The following ARHGAP26 variants were observed in gnomAD, a reference collection of about 807,000 sequenced individuals.
ARHGAP26 encodes the protein rho GTPase-activating protein 26.
ARHGAP26 carries 38 observed loss-of-function variants against 104.8 expected under a neutral mutation model. That is an observed-to-expected ratio of 0.36 (90% CI 0.28 to 0.48). The LOEUF is 0.48. Ranked by LOEUF, ARHGAP26 falls within the 20% of genes least tolerant of loss-of-function variation. The pLI, the probability that ARHGAP26 is intolerant of heterozygous loss-of-function variation, is 0.99. For missense variants in ARHGAP26, 704 were observed against 947.9 expected, an observed-to-expected ratio of 0.74 and a Z score of 3.38; for synonymous variants, 341 against 340.0, an observed-to-expected ratio of 1.00 and a Z score of -0.03.
chr5:143,059,558 C>T (rs528790458), intron 17 of ARHGAP26, among the ~76,000 whole-genome samples: 1 of 152,296 alleles, frequency 6.6e-6, no homozygotes, highest in South Asian at 2.1e-4. Flanking sequence ...CCTTTTCCCA[C>T]CCTTTCCCCC....
intron 5 of ARHGAP26, among the ~76,000 whole-genome samples, chr5:142,888,861 T>C (rs1246141711): frequency 6.6e-6 from 1 of 152,230 alleles, no homozygotes; most frequent in Non-Finnish European, 1.5e-5. Flanking sequence ...AATTACAATC[T>C]AGGAGGAAGT....
intron 12 of ARHGAP26, among the ~76,000 whole-genome samples, chr5:143,016,185 A>T (rs949300548): frequency 2.6e-5 from 4 of 152,246 alleles, no homozygotes; most frequent in African/African-American, 9.6e-5. Context: ...TTTTAAAAAA[A>T]TTAGGCTATA....
intron 1 of ARHGAP26, among the ~76,000 whole-genome samples, chr5:142,788,627 A>C (rs1489076394): frequency 6.6e-6 from 1 of 152,208 alleles, no homozygotes; most frequent in Admixed American, 6.5e-5. Flanking sequence ...TTAACAATAC[A>C]GTACAACAAC....
chr5:143,138,352 A>G (rs1214212239), intron 19 of ARHGAP26, among the ~76,000 whole-genome samples: 1 of 152,166 alleles, frequency 6.6e-6, no homozygotes, highest in South Asian at 2.1e-4. Flanking sequence ...TGAGATGAAA[A>G]CTTTGTGGAC....
At chr5:142,993,436 T>C (rs549576645) in intron 11 of ARHGAP26, among the ~76,000 whole-genome samples, 19 of 152,226 alleles carry the variant, frequency 1.2e-4, no homozygotes, top group African/African-American at 3.9e-4. Flanking sequence ...CCCAAAGTGC[T>C]GGGATTGCAG....
At chr5:143,012,552 C>CATATATACATACATATAT (rs1554195629) in intron 11 of ARHGAP26, among the ~76,000 whole-genome samples, 1 of 20,846 alleles carries the variant, frequency 4.8e-5, no homozygotes, top group African/African-American at 1.2e-4. Context: ...TACATACATA[C>CATATATACATACATATAT]ATATATATAT....
intron 20 of ARHGAP26, among the ~76,000 whole-genome samples, chr5:143,163,843 G>GT (rs1248051361): frequency 1.3e-5 from 2 of 151,802 alleles, no homozygotes; most frequent in Non-Finnish European, 2.9e-5. Context: ...CCAATTTTTT[G>GT]TTTTTTTCCC....
intron 1 of ARHGAP26, among the ~76,000 whole-genome samples, chr5:142,841,797 G>C (rs546244925): frequency 6.6e-6 from 1 of 152,356 alleles, no homozygotes; most frequent in Non-Finnish European, 1.5e-5. Flanking sequence ...AGTAGTGCCT[G>C]AGTCGTGTGG....
At chr5:142,799,423 G>A (rs372385718) in intron 1 of ARHGAP26, among the ~76,000 whole-genome samples, 2 of 152,160 alleles carry the variant, frequency 1.3e-5, no homozygotes, top group African/African-American at 4.8e-5. Flanking sequence ...TTTGTAATAT[G>A]GTGAGAAGTT....
chr5:142,875,571 T>G (rs1425695980), intron 3 of ARHGAP26, among the ~76,000 whole-genome samples: 4 of 152,094 alleles, frequency 2.6e-5, no homozygotes, highest in East Asian at 3.9e-4. Context: ...CAGGATCACT[T>G]CCCTCTTCAT....
At chr5:142,791,970 A>G (rs1356615789) in intron 1 of ARHGAP26, among the ~76,000 whole-genome samples, 1 of 151,536 alleles carries the variant, frequency 6.6e-6, no homozygotes, top group Non-Finnish European at 1.5e-5. Context: ...AAAGGTGTTA[A>G]GTTTTGACAA....
intron 8 of ARHGAP26, among the ~76,000 whole-genome samples, chr5:142,904,919 T>C (rs1760900277): frequency 6.6e-6 from 1 of 152,222 alleles, no homozygotes; most frequent in African/African-American, 2.4e-5. Context: ...CTAATTATTC[T>C]ATTTAGTAAT....
chr5:142,989,105 A>G (rs528989586), intron 11 of ARHGAP26, among the ~76,000 whole-genome samples: 1 of 152,246 alleles, frequency 6.6e-6, no homozygotes, highest in South Asian at 2.1e-4. Context: ...AAATTCTCCC[A>G]TTATTATTGT....
chr5:143,058,712 G>A (rs1786236537), intron 17 of ARHGAP26, among the ~76,000 whole-genome samples: 1 of 152,248 alleles, frequency 6.6e-6, no homozygotes, highest in Non-Finnish European at 1.5e-5. Context: ...GAGGGAGATT[G>A]TAATGGTTAG....
At chr5:143,012,519 G>A (rs13169129) in intron 11 of ARHGAP26, among the ~76,000 whole-genome samples, 11 of 64,916 alleles carry the variant, frequency 1.7e-4, no homozygotes. Flanking sequence ...AGCCATTAGA[G>A]TCACTGGAGG....
At chr5:143,024,809 C>A (rs370558606) in intron 12 of ARHGAP26, among the ~76,000 whole-genome samples, 1 of 152,152 alleles carries the variant, frequency 6.6e-6, no homozygotes, top group Admixed American at 6.5e-5. Context: ...AGCTCACAAT[C>A]GGCATGTAAG....
chr5:143,174,710 C>T (rs1803241860), intron 20 of ARHGAP26, among the ~76,000 whole-genome samples: 1 of 152,148 alleles, frequency 6.6e-6, no homozygotes, highest in East Asian at 1.9e-4. Context: ...TGTGAATTAG[C>T]CGTCATATGA....
intron 17 of ARHGAP26, among the ~76,000 whole-genome samples, chr5:143,067,354 G>A (rs1291011727): frequency 6.6e-6 from 1 of 152,118 alleles, no homozygotes; most frequent in Non-Finnish European, 1.5e-5. Flanking sequence ...CCTGGGAGCA[G>A]TCTTCACATG....
At chr5:142,967,503 C>T (rs769049781) in intron 11 of ARHGAP26, among the ~76,000 whole-genome samples, 3 of 152,104 alleles carry the variant, frequency 2.0e-5, no homozygotes, top group South Asian at 2.1e-4. Context: ...TTTAAGAGGC[C>T]GGGTGCGGTG....
Sources: gnomAD v4.1 joint callset for allele counts (sites outside exome capture counted in the v4.1 genomes callset) on GRCh38, gnomAD v4.1.1 for gene constraint, MANE v1.5 for transcripts, NCBI Gene and HGNC (gene_info 2026-07-23, HGNC 2026-07-21) for gene names.